The following ITPR2 variants were observed in gnomAD, a reference collection of about 807,000 sequenced individuals.
ITPR2 encodes the protein inositol 1,4,5-trisphosphate-gated calcium channel ITPR2.
A neutral mutation model predicts 317.1 loss-of-function variants in ITPR2; 207 were observed. That is an observed-to-expected ratio of 0.65 (90% confidence interval 0.58 to 0.73). ITPR2 has a LOEUF of 0.73. Ranked by LOEUF, ITPR2 falls within the 30% of genes least tolerant of loss-of-function variation. ITPR2 has a pLI of 0.00. For missense variants in ITPR2, 2,613 were observed against 3,284.0 expected (o/e 0.80, Z 4.99); for synonymous variants, 1,156 against 1,149.1 (o/e 1.01, Z -0.12).
chr12:26,606,726 G>A (rs1946137007), intron 26 of ITPR2, among the ~76,000 whole-genome samples: 2 of 152,100 alleles, frequency 1.3e-5, no homozygotes, highest in Admixed American at 6.5e-5. Flanking sequence ...GAGGCCAAGA[G>A]TTTGAGGTTA....
At chr12:26,367,882 A>G (rs1939058678) in intron 55 of ITPR2, among the ~76,000 whole-genome samples, 1 of 152,206 alleles carries the variant, frequency 6.6e-6, no homozygotes, top group South Asian at 2.1e-4. Context: ...CTTCTTAGAT[A>G]GTACTTCATT....
At chr12:26,719,099 G>A (rs1592067400) in intron 5 of ITPR2, among the ~76,000 whole-genome samples, 1 of 152,208 alleles carries the variant, frequency 6.6e-6, no homozygotes, top group African/African-American at 2.4e-5. Flanking sequence ...AAACTTGCAA[G>A]TGAAATGGAT....
chr12:26,509,089 C>T lies in ITPR2; in HGVS notation c.5074-13829G>A, dbSNP rs115439089. Among the ~76,000 whole-genome samples, 319 of 152,294 alleles carry T rather than the reference C, an allele frequency of 2.1e-3. 1 individual carries two copies. The highest frequency in any genetic ancestry group is 7.3e-3 in the African/African-American group (305 of 41,560). Reference sequence around the variant, plus strand: ...ACTGAAGTGCTGACACCTGCTAGAACATGTATGAGCCTTGAAAACATTATG... The same window carrying T: ...ACTGAAGTGCTGACACCTGCTAGAATATGTATGAGCCTTGAAAACATTATG... On this transcript the variant is annotated intron_variant, in intron 37 of 56. Transcript: ENST00000381340.
At chr12:26,640,840 T>C (rs1447450303) in intron 21 of ITPR2, among the ~76,000 whole-genome samples, 1 of 152,184 alleles carries the variant, frequency 6.6e-6, no homozygotes, top group Non-Finnish European at 1.5e-5. Flanking sequence ...GATATGAAAG[T>C]ATATCTGAGA....
chr12:26,750,359 A>C (rs1361346612), intron 2 of ITPR2, among the ~76,000 whole-genome samples: 1 of 152,096 alleles, frequency 6.6e-6, no homozygotes, highest in Non-Finnish European at 1.5e-5. Context: ...CACACTCACC[A>C]TGCCACCCCA....
At chr12:26,608,260 T>C (rs1946183912) in intron 26 of ITPR2, among the ~76,000 whole-genome samples, 1 of 152,210 alleles carries the variant, frequency 6.6e-6, no homozygotes, top group African/African-American at 2.4e-5. Flanking sequence ...TGATAATACA[T>C]AAGTTAATAA....
intron 36 of ITPR2, among the ~76,000 whole-genome samples, chr12:26,553,678 G>A (rs1015054598): frequency 3.9e-5 from 6 of 151,962 alleles, no homozygotes; most frequent in South Asian, 2.1e-4. Context: ...CCAGCTACTC[G>A]GGAGGCTGAG....
intron 37 of ITPR2, among the ~76,000 whole-genome samples, chr12:26,523,666 T>C (rs1202661796): frequency 2.6e-5 from 4 of 152,206 alleles, no homozygotes; most frequent in African/African-American, 9.6e-5. Flanking sequence ...GGCATGATGA[T>C]GTATACATAA....
At chr12:26,542,908 G>A (rs1330681797) in intron 37 of ITPR2, among the ~76,000 whole-genome samples, 1 of 152,160 alleles carries the variant, frequency 6.6e-6, no homozygotes, top group Admixed American at 6.5e-5. Context: ...CATTTCCACA[G>A]GCGATCCATG....
intron 1 of ITPR2, among the ~76,000 whole-genome samples, chr12:26,808,409 T>C (rs1378870345): frequency 6.6e-6 from 1 of 152,242 alleles, no homozygotes; most frequent in African/African-American, 2.4e-5. Context: ...ACCTGCCACA[T>C]ACTAAAAAAT....
chr12:26,381,478 T>C (rs571579249), intron 55 of ITPR2, among the ~76,000 whole-genome samples: 4 of 152,336 alleles, frequency 2.6e-5, no homozygotes, highest in Admixed American at 2.0e-4. Flanking sequence ...TACAGAGACA[T>C]TCAATGTTTA....
intron 37 of ITPR2, among the ~76,000 whole-genome samples, chr12:26,509,124 G>A (rs1289067900): frequency 6.6e-6 from 1 of 152,194 alleles, no homozygotes; most frequent in Non-Finnish European, 1.5e-5. Context: ...GCCAAGTGAA[G>A]GGAGGCAGTC....
chr12:26,734,456 A>G (rs1305393144), intron 2 of ITPR2, among the ~76,000 whole-genome samples: 1 of 152,214 alleles, frequency 6.6e-6, no homozygotes, highest in East Asian at 1.9e-4. Context: ...ACGACAGAAG[A>G]GCACAGTAGC....
intron 22 of ITPR2, among the ~76,000 whole-genome samples, chr12:26,631,044 C>T (rs888463362): frequency 4.6e-5 from 7 of 152,174 alleles, no homozygotes; most frequent in Admixed American, 6.5e-5. Context: ...TAAAGGACTA[C>T]TAACCCACTT....
chr12:26,651,872 T>C (rs965981436), intron 21 of ITPR2, among the ~76,000 whole-genome samples: 1 of 152,176 alleles, frequency 6.6e-6, no homozygotes, highest in East Asian at 1.9e-4. Context: ...AGGTTTCTTT[T>C]GTCTTGTGGT....
At chr12:26,502,258 C>T (rs1443750704) in intron 37 of ITPR2, among the ~76,000 whole-genome samples, 1 of 152,202 alleles carries the variant, frequency 6.6e-6, no homozygotes, top group African/African-American at 2.4e-5. Context: ...AGAACTTATG[C>T]AATCCCTCAC....
chr12:26,486,887 A>G (rs1189134506), intron 40 of ITPR2, 181 bp downstream of exon 40: 1 of 704,614 alleles, frequency 1.4e-6, no homozygotes, highest in Admixed American at 2.0e-5. Flanking sequence ...GTCTCATTTA[A>G]GTTTAGTCCT....
chr12:26,495,206 T>C lies in ITPR2; in HGVS notation c.5128A>G (p.Ile1710Val). 6.2e-7 allele frequency: 1 copy of C among 1,610,066 alleles called. No homozygotes were observed. Among genetic ancestry groups the C allele is most frequent in the Non-Finnish European group, 8.5e-7 (1 of 1,176,318 alleles). Residue 1710 changes from isoleucine to valine, a missense_variant, in exon 38 of 57, where the codon ATT becomes GTT. Ile to Val is a conservative substitution (Grantham distance 29, BLOSUM62 3). Coordinates refer to ENST00000381340, the MANE Select transcript of ITPR2 (RefSeq NM_002223.4). ...CCTGATAGGTGTCCATTCACACCAA[T>C]ACTATAATCACCTTTAAAGTATCGA... ...LNRYFKGDYS[I>V]GVNGHLSGAY...
intron 21 of ITPR2, among the ~76,000 whole-genome samples, chr12:26,645,632 T>C (rs2880876): frequency 0.086 from 13,024 of 152,216 alleles, 606 homozygotes; most frequent in Middle Eastern, 0.15. Flanking sequence ...AAGTGCTAAG[T>C]CCAGAAATCG....
Sources: gnomAD v4.1 joint callset for allele counts (sites outside exome capture counted in the v4.1 genomes callset) on GRCh38, gnomAD v4.1.1 for gene constraint, MANE v1.5 for transcripts, NCBI Gene and HGNC (gene_info 2026-07-23, HGNC 2026-07-21) for gene names.